Variants in PRPF18 observed in about 807,000 individuals in gnomAD.
PRPF18 encodes the protein pre-mRNA-splicing factor 18.
PRPF18 carries 38 observed loss-of-function variants against 46.5 expected under a neutral mutation model. That is an observed-to-expected ratio of 0.82 (90% CI 0.63 to 1.07). PRPF18 has a LOEUF of 1.07. Among genes scored for constraint, PRPF18 ranks in the 50% least tolerant of loss-of-function variants. PRPF18 has a pLI of 0.00. For missense variants in PRPF18, 263 were observed against 410.0 expected, an observed-to-expected ratio of 0.64 and a Z score of 3.10; for synonymous variants, 152 against 146.7, an observed-to-expected ratio of 1.04 and a Z score of -0.26.
At chr10:13,604,557 G>T (rs751518901) in intron 3 of PRPF18, among the ~76,000 whole-genome samples, 2 of 152,142 alleles carry the variant, frequency 1.3e-5, no homozygotes, top group Non-Finnish European at 2.9e-5. Flanking sequence ...TTTCATGGTG[G>T]TATTACAATG....
chr10:13,587,158 G>C lies in PRPF18; in HGVS notation c.66+6G>C. On this transcript the variant is annotated splice_donor_region_variant and intron_variant, in intron 1 of 9. Transcript: ENST00000378572. ...AGGACAGGAACCTGCTGGTGGTGAG[G>C]ACCCTGCGGTCGTGGGGGTCGGGAT... 6.2e-7 allele frequency: 1 copy of C among 1,612,532 alleles called. No individual in the cohort carries two copies. Among genetic ancestry groups the C allele is most frequent in the Non-Finnish European group, 8.5e-7 (1 of 1,178,602 alleles).
At chr10:13,589,736 G>A (rs1291385844) in intron 1 of PRPF18, among the ~76,000 whole-genome samples, 10 of 152,200 alleles carry the variant, frequency 6.6e-5, no homozygotes, top group Admixed American at 2.6e-4. Flanking sequence ...TGTTGTGTAC[G>A]ATTGATGTAT....
chr10:13,587,035 C>T lies in PRPF18; in HGVS notation c.-52C>T. The stretch of plus-strand genomic sequence containing the variant: ...GTTCGCGGCCGCCGGCCCAGTGAGG[C>T]TGGGTTCGAGGAGCTGGAGCGGGAA... On this transcript the variant is annotated 5_prime_UTR_variant, in exon 1 of 10. Transcript: ENST00000378572. 1.3e-6 allele frequency: 2 copies of T among 1,586,074 alleles called. No homozygotes were observed. The highest frequency in any genetic ancestry group is 1.7e-6 in the Non-Finnish European group (2 of 1,154,658).
At chr10:13,609,486 C>A (rs1256380348) in intron 4 of PRPF18, among the ~76,000 whole-genome samples, 1 of 152,180 alleles carries the variant, frequency 6.6e-6, no homozygotes, top group African/African-American at 2.4e-5. Flanking sequence ...GATTCTCATT[C>A]ATTTTTAGGA....
chr10:13,614,994 T>C (rs1055317371), intron 8 of PRPF18, among the ~76,000 whole-genome samples: 24 of 152,184 alleles, frequency 1.6e-4, no homozygotes, highest in Non-Finnish European at 3.4e-4. Flanking sequence ...CATTCCTGAG[T>C]GACTGGATGA....
At chr10:13,603,930 A>G (rs1039028871) in intron 3 of PRPF18, among the ~76,000 whole-genome samples, 2 of 152,354 alleles carry the variant, frequency 1.3e-5, no homozygotes, top group South Asian at 2.1e-4. Context: ...TAAAAATCCA[A>G]TGAAAGTAGC....
At chr10:13,597,672 G>A (rs2080054960) in intron 2 of PRPF18, 137 bp downstream of exon 2, 2 of 1,599,064 alleles carry the variant, frequency 1.3e-6, no homozygotes, top group African/African-American at 2.7e-5. Context: ...ATCTGGAGAG[G>A]TATGAGTTTT....
At chr10:13,654,234 C>T in the PRPF18 span, 3 of 620,926 alleles carry the variant, frequency 4.8e-6, no homozygotes, top group Middle Eastern at 2.9e-4. Context: ...TATAAAGGCA[C>T]AGCCAGGAAA....
At chr10:13,654,662 A>C in the PRPF18 span, 2 of 606,650 alleles carry the variant, frequency 3.3e-6, no homozygotes, top group Non-Finnish European at 5.9e-6. Context: ...GGGTCTCAGC[A>C]TCCCTATGGC....
intron 3 of PRPF18, among the ~76,000 whole-genome samples, chr10:13,601,063 G>T (rs181875997): frequency 5.9e-5 from 9 of 152,262 alleles, no homozygotes; most frequent in African/African-American, 2.2e-4. Context: ...TTACAGGTGT[G>T]AGCCACCGCG....
Position 13,603,233 on chromosome 10 carries a change from G to A in PRPF18, c.250-2398G>A, listed in dbSNP as rs974902709. Among the ~76,000 whole-genome samples, 19 of 151,818 alleles carry A rather than the reference G, an allele frequency of 1.3e-4. 1 individual carries two copies. The highest frequency in any genetic ancestry group is 4.6e-4 in the Admixed American group (7 of 15,238). ...AGCGTCTATTGAAATAGTAAAAGAGGACTCAGAGGCTTAAGTTCTTTCACT... is the reference window on the plus strand; with the variant it reads ...AGCGTCTATTGAAATAGTAAAAGAGAACTCAGAGGCTTAAGTTCTTTCACT... On this transcript the variant is annotated intron_variant, in intron 3 of 9. Transcript: ENST00000378572.
intron 9 of PRPF18, among the ~76,000 whole-genome samples, chr10:13,626,833 A>C (rs886254516): frequency 3.3e-4 from 50 of 151,766 alleles, no homozygotes; most frequent in South Asian, 6.2e-4. Flanking sequence ...AACAGTGTAC[A>C]CAGAAAACCC....
chr10:13,624,818 A>T (rs114571807), intron 9 of PRPF18, among the ~76,000 whole-genome samples: 1 of 152,312 alleles, frequency 6.6e-6, no homozygotes, highest in African/African-American at 2.4e-5. Context: ...CTGCCCTGTC[A>T]TCTGAAAATG....
At chr10:13,598,961 A>G (rs1241670910) in intron 2 of PRPF18, among the ~76,000 whole-genome samples, 1 of 152,202 alleles carries the variant, frequency 6.6e-6, no homozygotes, top group Non-Finnish European at 1.5e-5. Flanking sequence ...AAGGAAAGTA[A>G]TTACTGTAAA....
Position 13,630,320 on chromosome 10 carries a change from G to A in PRPF18, c.1009G>A (p.Val337Met). Reference protein sequence around the residue: ...KHFPTDPSKCVEYNAL With the variant: ...KHFPTDPSKCMEYNAL The stretch of plus-strand genomic sequence containing the variant: ...CTTTCCTACAGACCCATCCAAATGT[G>A]TGGAGTACAATGCACTGTGAGATCT... The change falls in exon 10 of 10, where the codon GTG (valine) becomes ATG (methionine). Residue 337 changes from valine (V) to methionine (M), a missense_variant. Physicochemically the swap from Val to Met is conservative, Grantham distance 21 (BLOSUM62 1). Transcript: ENST00000378572. 6.2e-7 allele frequency: 1 copy of A among 1,611,180 alleles called. No homozygotes were observed. Among genetic ancestry groups the A allele is most frequent in the Non-Finnish European group, 8.5e-7 (1 of 1,177,298 alleles).
At chr10:13,639,269 A>G in the PRPF18 span, 1 of 152,230 alleles carries the variant, frequency 6.6e-6, no homozygotes, top group African/African-American at 2.4e-5. Flanking sequence ...AAGATTCTGA[A>G]TCACTCAATT....
At chr10:13,588,653 T>C (rs953451804) in intron 1 of PRPF18, among the ~76,000 whole-genome samples, 10 of 152,198 alleles carry the variant, frequency 6.6e-5, no homozygotes, top group Middle Eastern at 3.4e-3. Flanking sequence ...TCCTCCTCCT[T>C]CTCTCTTCTT....
chr10:13,629,382 G>A (rs2080559129), intron 9 of PRPF18, among the ~76,000 whole-genome samples: 1 of 152,098 alleles, frequency 6.6e-6, no homozygotes, highest in Non-Finnish European at 1.5e-5. Context: ...GTAATATTTG[G>A]TACATACAAA....
At chr10:13,602,151 C>A (rs540589722) in intron 3 of PRPF18, among the ~76,000 whole-genome samples, 30 of 152,302 alleles carry the variant, frequency 2.0e-4, no homozygotes, top group African/African-American at 7.0e-4. Flanking sequence ...AATGTTTCAG[C>A]CTTTGCCAAT....
Sources: gnomAD v4.1 joint callset for allele counts (sites outside exome capture counted in the v4.1 genomes callset) on GRCh38, gnomAD v4.1.1 for gene constraint, MANE v1.5 for transcripts, NCBI Gene and HGNC (gene_info 2026-07-23, HGNC 2026-07-21) for gene names.